The following MTX2 variants were observed in gnomAD, a reference collection of about 807,000 sequenced individuals.
MTX2 encodes the protein metaxin 2.
MTX2 carries 35 observed loss-of-function variants against 42.3 expected under a neutral mutation model. The ratio of observed to expected loss-of-function variants is 0.83; its 90% CI spans 0.63 to 1.10. The LOEUF is 1.10. Ranked by LOEUF, MTX2 falls within the 50% of genes least tolerant of loss-of-function variation. The pLI, the probability that MTX2 is intolerant of heterozygous loss-of-function variation, is 0.00. For synonymous variants in MTX2, 119 were observed against 100.9 expected, an observed-to-expected ratio of 1.18 and a Z score of -1.08; for missense variants, 307 against 304.1, an observed-to-expected ratio of 1.01 and a Z score of -0.07.
rs768016212 is a variant in MTX2 at position 176,269,606 on chromosome 2, C to T, written c.-24C>T. 3.2e-6 allele frequency: 5 copies of T among 1,573,924 alleles called. No homozygotes were observed. The highest frequency in any genetic ancestry group is 1.2e-5 in the South Asian group (1 of 86,188). On this transcript the variant is annotated 5_prime_UTR_variant, in exon 1 of 10. Coordinates refer to ENST00000249442, the MANE Select transcript of MTX2 (RefSeq NM_006554.5). Reference sequence around the variant, plus strand: ...CTGAGGCCCGTGGGGGGCAGGCACCCGGGCGCCGGGCCTCCCAGCCGACAT... The same window carrying T: ...CTGAGGCCCGTGGGGGGCAGGCACCTGGGCGCCGGGCCTCCCAGCCGACAT...
chr2:176,299,403 A>G (rs1240893703), intron 3 of MTX2, among the ~76,000 whole-genome samples: 2 of 148,878 alleles, frequency 1.3e-5, no homozygotes, highest in Non-Finnish European at 2.9e-5. Context: ...GAAGGGGGGA[A>G]AAAATAAATC....
intron 1 of MTX2, among the ~76,000 whole-genome samples, chr2:176,289,795 A>C (rs1443725078): frequency 6.6e-6 from 1 of 152,094 alleles, no homozygotes; most frequent in Non-Finnish European, 1.5e-5. Context: ...TAGAACTCTT[A>C]TAATGAAGAT....
intron 1 of MTX2, among the ~76,000 whole-genome samples, chr2:176,284,677 T>G (rs1693154483): frequency 6.6e-6 from 1 of 152,170 alleles, no homozygotes; most frequent in African/African-American, 2.4e-5. Context: ...TTTTAAAACA[T>G]GGCTTTAAGC....
At chr2:176,333,523 T>G (rs1232335959) in intron 9 of MTX2, among the ~76,000 whole-genome samples, 1 of 151,664 alleles carries the variant, frequency 6.6e-6, no homozygotes, top group African/African-American at 2.4e-5. Context: ...TTGTACTTCT[T>G]AAAAAGACTT....
At chr2:176,305,912 T>C (rs1450056630) in intron 3 of MTX2, among the ~76,000 whole-genome samples, 2 of 152,108 alleles carry the variant, frequency 1.3e-5, no homozygotes, top group African/African-American at 4.8e-5. Flanking sequence ...TCTACATAGA[T>C]CATTATTATT....
chr2:176,288,855 CCTTCT>C (rs1173890581), intron 1 of MTX2, among the ~76,000 whole-genome samples: 1 of 151,702 alleles, frequency 6.6e-6, no homozygotes, highest in Non-Finnish European at 1.5e-5. Context: ...TTTTCATGGC[CCTTCT>C]CTTAATCCTC....
chr2:176,290,259 A>G (rs1270112950), intron 1 of MTX2, among the ~76,000 whole-genome samples: 1 of 152,082 alleles, frequency 6.6e-6, no homozygotes. Flanking sequence ...TCTGGTTGAT[A>G]CAAGGGTCAT....
intron 3 of MTX2, among the ~76,000 whole-genome samples, chr2:176,318,129 A>G (rs775269133): frequency 4.6e-5 from 7 of 151,904 alleles, no homozygotes; most frequent in Non-Finnish European, 7.4e-5. Context: ...TTCTGGGTGT[A>G]TACCTTTTCT....
At chr2:176,311,873 C>T (rs1222402875) in intron 3 of MTX2, among the ~76,000 whole-genome samples, 1 of 152,154 alleles carries the variant, frequency 6.6e-6, no homozygotes, top group Admixed American at 6.5e-5. Context: ...AGGCAGTGCC[C>T]CACCCTGCTT....
chr2:176,330,501 CTG>C, intron 8 of MTX2, 81 bp from the exon 9 acceptor site: 1 of 929,176 alleles, frequency 1.1e-6, no homozygotes, highest in Non-Finnish European at 1.6e-6. Flanking sequence ...TTGTTATAAA[CTG>C]TGATACAAGT....
At chr2:176,281,073 G>A (rs1693067669) in intron 1 of MTX2, among the ~76,000 whole-genome samples, 2 of 152,212 alleles carry the variant, frequency 1.3e-5, no homozygotes, top group African/African-American at 4.8e-5. Flanking sequence ...GGTGAGGACT[G>A]ATAGTAAAAA....
At chr2:176,276,340 G>T (rs1486040717) in intron 1 of MTX2, among the ~76,000 whole-genome samples, 1 of 152,126 alleles carries the variant, frequency 6.6e-6, no homozygotes, top group Non-Finnish European at 1.5e-5. Flanking sequence ...AATTAGAATT[G>T]CCATAGCTGG....
At chr2:176,296,030 T>TA (rs1393734191) in intron 1 of MTX2, among the ~76,000 whole-genome samples, 21 of 152,198 alleles carry the variant, frequency 1.4e-4, no homozygotes, top group African/African-American at 4.8e-4. Flanking sequence ...ATATCCTATA[T>TA]ATTCTGTCAG....
chr2:176,279,161 C>T (rs1693021511), intron 1 of MTX2, among the ~76,000 whole-genome samples: 1 of 151,952 alleles, frequency 6.6e-6, no homozygotes, highest in Non-Finnish European at 1.5e-5. Context: ...CTTGTATAAG[C>T]CAAAGAATTT....
intron 3 of MTX2, among the ~76,000 whole-genome samples, chr2:176,319,246 G>T (rs1476558907): frequency 6.6e-6 from 1 of 152,174 alleles, no homozygotes; most frequent in East Asian, 1.9e-4. Flanking sequence ...TTTTAGATGA[G>T]TGTGCCATGC....
At chr2:176,302,927 T>C (rs1684061340) in intron 3 of MTX2, among the ~76,000 whole-genome samples, 1 of 152,206 alleles carries the variant, frequency 6.6e-6, no homozygotes, top group South Asian at 2.1e-4. Flanking sequence ...GAGAGAGGAA[T>C]ATCTGTCTTT....
chr2:176,299,905 C>T (rs1223987481), intron 3 of MTX2, among the ~76,000 whole-genome samples: 1 of 152,060 alleles, frequency 6.6e-6, no homozygotes, highest in Non-Finnish European at 1.5e-5. Context: ...AACACATACA[C>T]TTGGTGTTTA....
At chr2:176,296,303 C>T (rs757174842) in intron 1 of MTX2, among the ~76,000 whole-genome samples, 6 of 152,078 alleles carry the variant, frequency 3.9e-5, no homozygotes, top group Non-Finnish European at 8.8e-5. Context: ...GCAATGAAAT[C>T]TTCTGGAATA....
intron 3 of MTX2, among the ~76,000 whole-genome samples, chr2:176,317,936 C>T (rs988751392): frequency 2.6e-5 from 4 of 152,280 alleles, no homozygotes; most frequent in East Asian, 3.9e-4. Context: ...TTCTGTGTTA[C>T]TTGGTGCTTC....
Sources: gnomAD v4.1 joint callset for allele counts (sites outside exome capture counted in the v4.1 genomes callset) on GRCh38, gnomAD v4.1.1 for gene constraint, MANE v1.5 for transcripts, NCBI Gene and HGNC (gene_info 2026-07-23, HGNC 2026-07-21) for gene names.